Variants in GMDS observed in about 807,000 individuals in gnomAD.
GMDS encodes GDP-mannose 4,6-dehydratase, also known as GDP-mannose 4,6 dehydratase.
GMDS carries 20 observed loss-of-function variants against 49.9 expected under a neutral mutation model. The observed-to-expected ratio is 0.40, with a 90% CI of 0.28 to 0.58. GMDS has a LOEUF of 0.58. Among genes scored for constraint, GMDS ranks in the 20% least tolerant of loss-of-function variants. GMDS has a pLI of 0.42. For missense variants in GMDS, 362 were observed against 481.4 expected (o/e 0.75, Z 2.32); for synonymous variants, 177 against 178.6 (o/e 0.99, Z 0.07).
chr6:2,089,428 G>A (rs1435922047), intron 4 of GMDS, among the ~76,000 whole-genome samples: 1 of 152,030 alleles, frequency 6.6e-6, no homozygotes, highest in African/African-American at 2.4e-5. Flanking sequence ...TGCTTCAAGA[G>A]GCCACAAAGT....
intron 9 of GMDS, among the ~76,000 whole-genome samples, chr6:1,718,101 G>C (rs140439194): frequency 2.6e-5 from 4 of 152,042 alleles, no homozygotes; most frequent in Admixed American, 6.6e-5. Context: ...CCTGGAATTC[G>C]AATTTGCCTG....
intron 4 of GMDS, among the ~76,000 whole-genome samples, chr6:2,101,327 A>ATT (rs1773913638): frequency 6.6e-6 from 1 of 151,980 alleles, no homozygotes; most frequent in African/African-American, 2.4e-5. Flanking sequence ...AAAACAAAAA[A>ATT]AAGAGAGAAA....
chr6:2,053,207 A>G (rs1444585988), intron 4 of GMDS, among the ~76,000 whole-genome samples: 2 of 152,228 alleles, frequency 1.3e-5, no homozygotes, highest in African/African-American at 4.8e-5. Flanking sequence ...ATCAAAAAAT[A>G]GGCCTTATAT....
intron 7 of GMDS, among the ~76,000 whole-genome samples, chr6:1,748,955 T>C (rs954339817): frequency 6.6e-6 from 1 of 152,214 alleles, no homozygotes; most frequent in Non-Finnish European, 1.5e-5. Flanking sequence ...CAAGCATAGA[T>C]TCTGGGGTAG....
At chr6:1,845,059 A>T (rs1444021783) in intron 7 of GMDS, among the ~76,000 whole-genome samples, 2 of 152,208 alleles carry the variant, frequency 1.3e-5, no homozygotes, top group African/African-American at 4.8e-5. Context: ...CTCATGTTCA[A>T]ACTGATGATG....
rs374961744 is a variant in GMDS at position 1,812,027 on chromosome 6, A to G, written c.772-69441T>C. Among the ~76,000 whole-genome samples the G allele has an allele frequency of 1.5e-4, 23 of 151,912 alleles. No homozygotes were observed. The East Asian group carries it at 4.5e-3, about 30-fold the overall frequency. On this transcript the variant is annotated intron_variant, in intron 7 of 10. Transcript: ENST00000380815. ...TCTACTGTCCGAGGAATCATAGTCA[A>G]GTAGGGGAAGAGATCTACAATTAAG...
chr6:1,832,393 C>A (rs897341540), intron 7 of GMDS, among the ~76,000 whole-genome samples: 2 of 149,772 alleles, frequency 1.3e-5, no homozygotes. Flanking sequence ...ACTCTCTATA[C>A]CCCTACAAAA....
intron 9 of GMDS, among the ~76,000 whole-genome samples, chr6:1,671,632 A>T (rs1021468882): frequency 2.0e-5 from 3 of 151,972 alleles, no homozygotes; most frequent in Non-Finnish European, 4.4e-5. Flanking sequence ...GGTTGGTGCA[A>T]AAGTAATCTT....
chr6:1,893,750 C>T (rs908331564), intron 7 of GMDS, among the ~76,000 whole-genome samples: 4 of 152,050 alleles, frequency 2.6e-5, no homozygotes, highest in Admixed American at 2.0e-4. Flanking sequence ...TGTGAAGGGC[C>T]GTTTATTCAG....
At chr6:2,145,981 T>TTGCC (rs1776538761) in intron 1 of GMDS, among the ~76,000 whole-genome samples, 1 of 152,200 alleles carries the variant, frequency 6.6e-6, no homozygotes, top group Non-Finnish European at 1.5e-5. Flanking sequence ...GAGAGACAAC[T>TTGCC]ATGCTGGCAA....
chr6:1,892,394 C>G (rs1759911757), intron 7 of GMDS, among the ~76,000 whole-genome samples: 1 of 152,156 alleles, frequency 6.6e-6, no homozygotes, highest in South Asian at 2.1e-4. Context: ...GAATCTCGCT[C>G]TGTTGCCCAG....
chr6:2,095,346 G>A (rs1379794172), intron 4 of GMDS, among the ~76,000 whole-genome samples: 3 of 152,158 alleles, frequency 2.0e-5, no homozygotes, highest in East Asian at 1.9e-4. Context: ...GCACAAACTC[G>A]TATTAACTTA....
intron 1 of GMDS, among the ~76,000 whole-genome samples, chr6:2,132,764 C>G (rs1452520445): frequency 1.3e-5 from 2 of 152,164 alleles, no homozygotes; most frequent in African/African-American, 4.8e-5. Flanking sequence ...CTATCAGATC[C>G]TTTTAAAGAT....
rs144829126 is a variant in GMDS at position 1,811,740 on chromosome 6, G to A, written c.772-69154C>T. ...CCACTGCACACAGTAGGCACTCCACGTTTAATGACAGTGATGTACTGGTTT... is the reference window on the plus strand; with the variant it reads ...CCACTGCACACAGTAGGCACTCCACATTTAATGACAGTGATGTACTGGTTT... On this transcript the variant is annotated intron_variant, in intron 7 of 10. Transcript: ENST00000380815. Among the ~76,000 whole-genome samples, 433 of 152,104 alleles carry A rather than the reference G, an allele frequency of 2.8e-3. 1 individual carries two copies. Among genetic ancestry groups the A allele is most frequent in the Middle Eastern group, 0.01 (3 of 292 alleles).
At chr6:1,722,338 C>G (rs962837275) in intron 9 of GMDS, among the ~76,000 whole-genome samples, 3 of 151,354 alleles carry the variant, frequency 2.0e-5, no homozygotes, top group African/African-American at 4.9e-5. Flanking sequence ...CTGCCCGCCT[C>G]GGCCTCCCAA....
Position 1,731,026 on chromosome 6 carries a change from CAG to C in GMDS, c.891-4516_891-4515del, listed in dbSNP as rs773844087. Among the ~76,000 whole-genome samples the C allele has an allele frequency of 3.3e-5, 5 of 152,160 alleles. No individual in the cohort carries two copies. In the East Asian group the frequency reaches 7.7e-4, roughly 23 times the overall value. On this transcript the variant is annotated intron_variant, in intron 8 of 10. Transcript: ENST00000380815. ...ATCTACCACCTTTGACGTCCTCAGA[CAG>C]AGAGATCAGGAAAGATATCAAACAA...
intron 7 of GMDS, among the ~76,000 whole-genome samples, chr6:1,814,149 T>C (rs1463096758): frequency 6.6e-6 from 1 of 152,204 alleles, no homozygotes; most frequent in Non-Finnish European, 1.5e-5. Context: ...ATGTCAGTTC[T>C]AGCATAAGAG....
At chr6:2,186,896 A>G (rs1212827896) in intron 1 of GMDS, among the ~76,000 whole-genome samples, 1 of 152,238 alleles carries the variant, frequency 6.6e-6, no homozygotes, top group East Asian at 1.9e-4. Context: ...ATTTATAATT[A>G]TGCATGTGGA....
rs151161492 is a variant in GMDS, at chr6:1,624,401, C to T, written c.1056+71G>A. 0.015 allele frequency: 21,845 copies of T among 1,429,990 alleles called. 256 individuals are homozygous for T. Among genetic ancestry groups the T allele is most frequent in the South Asian group, 0.041 (3,536 of 85,238 alleles). The allele number at this position is 1,429,990 out of a possible 1,614,324, so 88.6% of individuals were successfully genotyped here. A position where few individuals can be genotyped will look rare whatever the true frequency, so the allele number is the denominator to read the frequency against. On this transcript the variant is annotated intron_variant, in intron 10 of 10. Coordinates refer to ENST00000380815, the MANE Select transcript of GMDS (RefSeq NM_001500.4). ...GGGCATCGCAGGCGCCTCAGGCGCC[C>T]GACCCTGAGAGCTGCCGCCCTGCAG...
Sources: allele counts gnomAD v4.1 joint callset (sites outside exome capture counted in the v4.1 genomes callset), GRCh38; gene constraint gnomAD v4.1.1; transcripts MANE v1.5; gene names NCBI Gene and HGNC (gene_info 2026-07-23, HGNC 2026-07-21).